Variants in HELZ observed in about 807,000 individuals in gnomAD.
HELZ encodes the protein ATP-dependent RNA helicase with zinc finger domain.
HELZ carries 23 observed loss-of-function variants against 218.2 expected under a neutral mutation model. That is an observed-to-expected ratio of 0.11 (90% CI 0.08 to 0.15). The LOEUF (loss-of-function observed/expected upper bound fraction) is 0.15, where lower values mean the gene tolerates loss of function less well. Among genes scored for constraint, HELZ ranks in the 10% least tolerant of loss-of-function variants. The pLI, the probability that HELZ is intolerant of heterozygous loss-of-function variation, is 1.00. For missense variants in HELZ, 1,813 were observed against 2,353.7 expected (o/e 0.77, Z 4.75); for synonymous variants, 814 against 829.4 (o/e 0.98, Z 0.32).
chr17:67,122,894 C>T, intron 26 of HELZ, 76 bp downstream of exon 26: 2 of 1,058,642 alleles, frequency 1.9e-6, no homozygotes, highest in Non-Finnish European at 1.4e-6. Context: ...TGGTAGAATG[C>T]TATTTGGGAT....
rs188500589 is a variant in HELZ, at chr17:67,116,656, A to T, written c.3839-2253T>A. On this transcript the variant is annotated intron_variant, in intron 27 of 32. Coordinates refer to ENST00000358691, the MANE Select transcript of HELZ (RefSeq NM_014877.4). ...TAATTAATCAAGAGTATGCAATCCT[A>T]AACATTTATCTCCTAATAATAGAAC... Among the ~76,000 whole-genome samples the T allele has an allele frequency of 2.1e-3, 317 of 152,272 alleles. 4 individuals are homozygous for T. Among genetic ancestry groups the T allele is most frequent in the Non-Finnish European group, 8.7e-4 (59 of 68,006 alleles).
chr17:67,237,195 G>A (rs1377919188), intron 3 of HELZ, among the ~76,000 whole-genome samples: 2 of 152,096 alleles, frequency 1.3e-5, no homozygotes, highest in Admixed American at 6.6e-5. Flanking sequence ...TGAGGCAAGA[G>A]AATCGCTTGA....
intron 14 of HELZ, 150 bp downstream of exon 14, chr17:67,167,313 A>T: frequency 1.7e-6 from 1 of 579,838 alleles, no homozygotes; most frequent in Non-Finnish European, 3.1e-6. Context: ...TCTGGGAGTT[A>T]CTACAGGTGC....
At chr17:67,151,279 T>C (rs2144049424) in intron 17 of HELZ, 55 bp from the exon 18 acceptor site, 1 of 1,369,216 alleles carries the variant, frequency 7.3e-7, no homozygotes, top group Non-Finnish European at 1.0e-6. Context: ...TAACAGTATC[T>C]AGTTATTAAA....
At chr17:67,231,591 G>A (rs1475157634) in intron 3 of HELZ, among the ~76,000 whole-genome samples, 4 of 144,176 alleles carry the variant, frequency 2.8e-5, no homozygotes, top group African/African-American at 5.2e-5. Context: ...AGACTCTGTC[G>A]GAAAAAAAAA....
At chr17:67,086,613 T>A (rs953749467) in intron 32 of HELZ, among the ~76,000 whole-genome samples, 3 of 89,172 alleles carry the variant, frequency 3.4e-5, no homozygotes, top group African/African-American at 5.1e-5. Flanking sequence ...TATATATATA[T>A]AAATAAATAT....
intron 12 of HELZ, among the ~76,000 whole-genome samples, chr17:67,184,072 A>C: frequency 6.6e-6 from 1 of 152,170 alleles, no homozygotes. Flanking sequence ...AATTAACTAA[A>C]GTAGGATTTT....
chr17:67,075,955 G>A lies in HELZ; in HGVS notation c.*2297C>T, dbSNP rs1279126392. 1 of 152,414 alleles carries A rather than the reference G, an allele frequency of 6.6e-6. No homozygotes were observed. The highest frequency in any genetic ancestry group is 1.9e-4 in the East Asian group (1 of 5,194). 9.4% of individuals were successfully genotyped at this position (152,414 alleles called of 1,614,324 possible). A position where few individuals can be genotyped will look rare whatever the true frequency, so the allele number is the denominator to read the frequency against. ...TTCCATCATCAACATATTTATATAA[G>A]GTGATGGGGTGCATACACGACCCCA... On this transcript the variant is annotated 3_prime_UTR_variant, in exon 33 of 33. Transcript: ENST00000358691.
intron 13 of HELZ, among the ~76,000 whole-genome samples, 186 bp from the exon 14 acceptor site, chr17:67,167,982 T>A (rs537826491): frequency 0.019 from 1,668 of 87,908 alleles, 34 homozygotes; most frequent in African/African-American, 0.075. Context: ...CAAAAAAAAA[T>A]TTTTTTTTTT....
At chr17:67,150,935 C>T in intron 18 of HELZ, 111 bp downstream of exon 18, 1 of 844,164 alleles carries the variant, frequency 1.2e-6, no homozygotes, top group Non-Finnish European at 1.9e-6. Context: ...ACTTTATTTA[C>T]AAAAACAGTC....
chr17:67,093,604 A>G (rs1216497878), intron 31 of HELZ, among the ~76,000 whole-genome samples: 2 of 152,194 alleles, frequency 1.3e-5, no homozygotes, highest in Admixed American at 1.3e-4. Flanking sequence ...AGTCAAAATG[A>G]GCCTACTAGG....
chr17:67,086,860 G>A lies in HELZ; in HGVS notation c.5463C>T (p.Ser1821=), dbSNP rs375751293. 1.7e-5 allele frequency: 28 copies of A among 1,613,534 alleles called. No individual in the cohort carries two copies. In the African/African-American group the frequency reaches 2.9e-4, roughly 17 times the overall value. The change falls in exon 32 of 33, where the codon TCC becomes TCT. Residue 1821 remains serine, a synonymous_variant. Transcript: ENST00000358691. The part of the protein sequence containing the change: ...TPYQNIPCNG[S]SRTAQPRELI... ...ACTCTCTGGGCTGAGCTGTCCTGCTGGATCCATTGCACGGAATGTTCTGAT... is the reference window on the plus strand; with the variant it reads ...ACTCTCTGGGCTGAGCTGTCCTGCTAGATCCATTGCACGGAATGTTCTGAT...
chr17:67,086,631 A>AATAAAT lies in HELZ; in HGVS notation c.5494+197_5494+198insATTTAT, dbSNP rs1555594209. ...ATATATATAAATAAATATAAATATAAATATATATATATATATATATATATA... is the reference window on the plus strand; with the variant it reads ...ATATATATAAATAAATATAAATATAAATAAATATATATATATATATATATATATATA... On this transcript the variant is annotated intron_variant, in intron 32 of 32. Transcript: ENST00000358691. 4.3e-5 allele frequency among the ~76,000 whole-genome samples: 4 copies of AATAAAT among 93,300 alleles called. No individual in the cohort carries two copies. In the East Asian group the frequency reaches 9.7e-4, roughly 23 times the overall value. The allele number at this position is 93,300 out of a possible 152,430, so 61.2% of individuals were successfully genotyped here.
chr17:67,186,733 A>G (rs1346975599), intron 12 of HELZ, among the ~76,000 whole-genome samples: 2 of 152,174 alleles, frequency 1.3e-5, no homozygotes, highest in African/African-American at 4.8e-5. Context: ...TAAGCCACTA[A>G]CCTACAAGCA....
At chr17:67,227,889 T>C (rs2040936855) in intron 3 of HELZ, among the ~76,000 whole-genome samples, 1 of 152,228 alleles carries the variant, frequency 6.6e-6, no homozygotes, top group Admixed American at 6.5e-5. Flanking sequence ...TGGTCTTCTT[T>C]GATCTCAAAA....
intron 5 of HELZ, among the ~76,000 whole-genome samples, chr17:67,204,206 G>A (rs1169817124): frequency 6.6e-6 from 1 of 152,070 alleles, no homozygotes; most frequent in Non-Finnish European, 1.5e-5. Flanking sequence ...TTATTTCCAA[G>A]GAAATGTTTC....
intron 3 of HELZ, among the ~76,000 whole-genome samples, chr17:67,222,106 G>A (rs2040762944): frequency 6.6e-6 from 1 of 152,094 alleles, no homozygotes. Flanking sequence ...CCTCCCAAAT[G>A]CTGGGATTAC....
intron 26 of HELZ, among the ~76,000 whole-genome samples, chr17:67,122,541 G>A (rs1043403112): frequency 5.4e-5 from 8 of 149,428 alleles, no homozygotes; most frequent in Non-Finnish European, 1.2e-4. Context: ...GTGAGACCCC[G>A]TCTCAAAAAA....
At chr17:67,233,549 A>G (rs2041094591) in intron 3 of HELZ, among the ~76,000 whole-genome samples, 2 of 152,092 alleles carry the variant, frequency 1.3e-5, no homozygotes, top group African/African-American at 4.8e-5. Flanking sequence ...TGTTGGTTCT[A>G]CTTTAACTAA....
Sources: gnomAD v4.1 joint callset for allele counts (sites outside exome capture counted in the v4.1 genomes callset) on GRCh38, gnomAD v4.1.1 for gene constraint, MANE v1.5 for transcripts, NCBI Gene and HGNC (gene_info 2026-07-23, HGNC 2026-07-21) for gene names.